The following CSMD2 variants were observed in gnomAD, a reference collection of about 807,000 sequenced individuals.
CSMD2 encodes the protein CUB and Sushi multiple domains 2.
In CSMD2, 130 loss-of-function variants were observed where a neutral mutation model predicts 398.5. The observed-to-expected ratio is 0.33, with a 90% CI of 0.28 to 0.38. The LOEUF (loss-of-function observed/expected upper bound fraction) is 0.38, where lower values mean the gene tolerates loss of function less well. Among genes scored for constraint, CSMD2 ranks in the 10% least tolerant of loss-of-function variants. CSMD2 has a pLI of 1.00. For synonymous variants in CSMD2, 1,828 were observed against 1,908.5 expected (o/e 0.96, Z 1.10); for missense variants, 3,829 against 4,764.9 (o/e 0.80, Z 5.78).
At chr1:33,919,084 A>G (rs1219837473) in intron 4 of CSMD2, among the ~76,000 whole-genome samples, 2 of 152,224 alleles carry the variant, frequency 1.3e-5, no homozygotes, top group East Asian at 1.9e-4. Context: ...TGCTCTTGGT[A>G]TCACCAAAAC....
intron 2 of CSMD2, among the ~76,000 whole-genome samples, chr1:34,071,860 G>A (rs567994561): frequency 6.6e-6 from 1 of 152,378 alleles, no homozygotes; most frequent in African/African-American, 2.4e-5. Flanking sequence ...GAAGCTCAGG[G>A]ATATTTTATA....
intron 5 of CSMD2, among the ~76,000 whole-genome samples, chr1:33,916,468 C>T (rs1326091309): frequency 6.6e-6 from 1 of 152,168 alleles, no homozygotes; most frequent in Non-Finnish European, 1.5e-5. Flanking sequence ...CTCACCTTAA[C>T]CTTCAACCCA....
chr1:33,582,602 G>T (rs1638803694), intron 47 of CSMD2, among the ~76,000 whole-genome samples: 4 of 152,154 alleles, frequency 2.6e-5, no homozygotes. Flanking sequence ...TCAGAAAACA[G>T]AATATTATAG....
chr1:33,594,313 T>G (rs758832234), intron 44 of CSMD2, among the ~76,000 whole-genome samples: 1 of 152,220 alleles, frequency 6.6e-6, no homozygotes, highest in Non-Finnish European at 1.5e-5. Flanking sequence ...ATTTCTTGCA[T>G]TCACACATGA....
intron 9 of CSMD2, chr1:33,813,938 C>T (rs2124973554): frequency 6.5e-6 from 1 of 152,726 alleles, no homozygotes. Flanking sequence ...TGACTGAAGC[C>T]CATCTTCCCC....
At chr1:33,563,644 G>A (rs1323627226) in intron 53 of CSMD2, among the ~76,000 whole-genome samples, 2 of 151,988 alleles carry the variant, frequency 1.3e-5, no homozygotes, top group Non-Finnish European at 2.9e-5. Context: ...TTGTTCAAGG[G>A]TCACAGTTTC....
intron 25 of CSMD2, among the ~76,000 whole-genome samples, chr1:33,669,316 A>G (rs1644414961): frequency 6.6e-6 from 1 of 152,246 alleles, no homozygotes; most frequent in African/African-American, 2.4e-5. Flanking sequence ...ATGGCAAAAG[A>G]GGGAAAAGCA....
chr1:34,003,290 C>A (rs908530242), intron 3 of CSMD2, among the ~76,000 whole-genome samples: 1 of 152,148 alleles, frequency 6.6e-6, no homozygotes, highest in African/African-American at 2.4e-5. Context: ...TTGGATTAAT[C>A]TCTGAGAACA....
chr1:33,675,932 T>C (rs1644692938), intron 25 of CSMD2, among the ~76,000 whole-genome samples: 1 of 152,176 alleles, frequency 6.6e-6, no homozygotes, highest in African/African-American at 2.4e-5. Context: ...AAACTCTCAA[T>C]AAATTAGGTA....
intron 22 of CSMD2, among the ~76,000 whole-genome samples, chr1:33,704,920 G>A (rs924501402): frequency 3.3e-5 from 5 of 150,638 alleles, no homozygotes; most frequent in Non-Finnish European, 7.4e-5. Flanking sequence ...CCGCCATCAC[G>A]TCCCGCTAAT....
At position 33,537,080 on chromosome 1, in the gene CSMD2, G is replaced by A. The variant is rs370225954; in HGVS notation, c.9821C>T (p.Thr3274Met). 84 of 1,614,176 alleles carry A rather than the reference G, an allele frequency of 5.2e-5. No individual in the cohort carries two copies. In the African/African-American group the frequency reaches 8.4e-4, roughly 16 times the overall value. Residue 3274 changes from threonine (T) to methionine (M), a missense_variant, in exon 62 of 71, where the codon ACG (threonine) becomes ATG (methionine). By Grantham distance (81) the Thr-to-Met change is moderately conservative. Around this residue, in one of 5 missense-constraint regions of CSMD2, gnomAD observed 917 missense variants for 1,199.5 expected, o/e 0.76. Transcript: ENST00000373381. This position sits in a 1 kb window ranked among gnomAD's most constrained non-coding sequence, Gnocchi z 4.6. ...QPSCIDPTLTTCADPGVPQFG... is the reference protein window; with the variant it reads ...QPSCIDPTLTMCADPGVPQFG... ...CTGTGGCACACCAGGGTCCGCACAC[G>A]TGGTCAGGGTCGGATCTGGATGGCC...
chr1:34,126,315 C>T (rs1662734776), intron 1 of CSMD2, among the ~76,000 whole-genome samples: 1 of 152,208 alleles, frequency 6.6e-6, no homozygotes, highest in African/African-American at 2.4e-5. Context: ...CAGCCCTGGA[C>T]TCTGGCTGAG....
intron 51 of CSMD2, among the ~76,000 whole-genome samples, chr1:33,570,673 C>T (rs2148691451): frequency 6.6e-6 from 1 of 152,304 alleles, no homozygotes; most frequent in Non-Finnish European, 1.5e-5. Context: ...ATTTCCCCAG[C>T]TGCTGGAAAA....
At chr1:33,794,693 T>C (rs1242171832) in intron 10 of CSMD2, among the ~76,000 whole-genome samples, 1 of 152,216 alleles carries the variant, frequency 6.6e-6, no homozygotes, top group Non-Finnish European at 1.5e-5. Context: ...ATTTTTGTTC[T>C]AGGAGCAGGA....
intron 28 of CSMD2, 21 bp from the exon 29 acceptor site, chr1:33,646,856 A>G (rs1416228511): frequency 6.4e-7 from 1 of 1,569,368 alleles, no homozygotes; most frequent in East Asian, 2.3e-5. Context: ...AAAACATCCC[A>G]CCCCCACCCC....
intron 67 of CSMD2, 100 bp from the exon 68 acceptor site, chr1:33,521,650 C>T: frequency 1.2e-6 from 1 of 802,552 alleles, no homozygotes; most frequent in Non-Finnish European, 2.2e-6. Context: ...ACCCACTGAC[C>T]TGCTGCTCTG....
chr1:33,631,872 C>T (rs1433921122), intron 32 of CSMD2, among the ~76,000 whole-genome samples: 1 of 151,958 alleles, frequency 6.6e-6, no homozygotes, highest in Non-Finnish European at 1.5e-5. Flanking sequence ...AAGTAAGCAA[C>T]AACAGCCAAT....
rs868238974 is a variant in CSMD2, at chr1:34,092,366, C to T, written c.188-3173G>A. On this transcript the variant is annotated intron_variant, in intron 1 of 70. Coordinates refer to ENST00000373381, the MANE Select transcript of CSMD2 (RefSeq NM_001281956.2). Reference sequence around the variant, plus strand: ...CGTTTTAAGTTTGGTAAAATGATACCTAAGTTTAACTGGAAAAATAGATTG... The same window carrying T: ...CGTTTTAAGTTTGGTAAAATGATACTTAAGTTTAACTGGAAAAATAGATTG... 3.9e-5 allele frequency among the ~76,000 whole-genome samples: 6 copies of T among 152,104 alleles called. No homozygotes were observed. In the South Asian group the frequency reaches 6.2e-4, roughly 16 times the overall value.
chr1:34,101,417 T>C (rs1417731550), intron 1 of CSMD2, among the ~76,000 whole-genome samples: 2 of 152,212 alleles, frequency 1.3e-5, no homozygotes, highest in African/African-American at 4.8e-5. Flanking sequence ...CTGGGTCAAA[T>C]GGTATGAACA....
Sources: allele counts gnomAD v4.1 joint callset (sites outside exome capture counted in the v4.1 genomes callset), GRCh38; gene constraint gnomAD v4.1.1; regional missense constraint gnomAD v4.1.1; non-coding constraint Gnocchi (gnomAD v3.1); transcripts MANE v1.5; gene names NCBI Gene and HGNC (gene_info 2026-07-23, HGNC 2026-07-21).